PDZD4: variants seen among roughly 807,000 people sequenced by gnomAD.
PDZD4 encodes the protein PDZ domain containing 4, also known as PDZ domain-containing protein 4.
In PDZD4, 9 loss-of-function variants were observed where a neutral mutation model predicts 38.5. The observed-to-expected ratio is 0.23, with a 90% CI of 0.14 to 0.41. PDZD4 has a LOEUF of 0.41. PDZD4 is among the 10% of genes least tolerant of loss of function. PDZD4 has a pLI of 1.00. For missense variants in PDZD4, 612 were observed against 722.0 expected, an observed-to-expected ratio of 0.85 and a Z score of 1.75; for synonymous variants, 349 against 315.7, an observed-to-expected ratio of 1.11 and a Z score of -1.12.
intron 1 of PDZD4, among the ~76,000 whole-genome samples, chrX:153,817,465 G>A (rs782328600): frequency 2.7e-5 from 3 of 111,433 alleles, no homozygotes; most frequent in East Asian, 2.8e-4. Context: ...CGGCACACAC[G>A]ACTGCATGAG....
intron 2 of PDZD4, chrX:153,808,062 TGGA>T (rs1388175514): frequency 8.5e-6 from 9 of 1,056,603 alleles, no homozygotes; most frequent in Non-Finnish European, 9.8e-6. Context: ...GGAGAGAGGA[TGGA>T]GGAGGAGGAG....
intron 5 of PDZD4, 149 bp downstream of exon 5, chrX:153,805,922 A>T: frequency 1.7e-6 from 1 of 591,558 alleles, no homozygotes; most frequent in Non-Finnish European, 2.7e-6. Flanking sequence ...GAGAGAGATG[A>T]GACTCAGCCC....
chrX:153,824,264 A>G (rs782009404), intron 1 of PDZD4, among the ~76,000 whole-genome samples: 10 of 110,942 alleles, frequency 9.0e-5, no homozygotes, highest in Non-Finnish European at 1.9e-4. Flanking sequence ...TCTTGGGACA[A>G]TGACACAAAA....
At chrX:153,820,349 CAAAAAA>C (rs140401659) in intron 1 of PDZD4, among the ~76,000 whole-genome samples, 4 of 18,233 alleles carry the variant, frequency 2.2e-4, no homozygotes, top group African/African-American at 1.2e-3. Flanking sequence ...GACTCCATCT[CAAAAAA>C]AAAAAAAAAA....
At chrX:153,815,857 C>T (rs2148468595) in intron 1 of PDZD4, among the ~76,000 whole-genome samples, 1 of 100,452 alleles carries the variant, frequency 1.0e-5, no homozygotes, top group East Asian at 3.5e-4. Flanking sequence ...ATGCGCCCTC[C>T]CCACAGCGCA....
chrX:153,813,928 T>C (rs1163483771), intron 1 of PDZD4, among the ~76,000 whole-genome samples: 1 of 112,489 alleles, frequency 8.9e-6, no homozygotes, highest in African/African-American at 3.2e-5. Context: ...TTGCTGAAGA[T>C]AAAACTTTAA....
intron 2 of PDZD4, chrX:153,807,848 T>C (rs1228582978): frequency 7.2e-6 from 7 of 974,862 alleles, no homozygotes; most frequent in Non-Finnish European, 7.9e-6. Context: ...CCCTGTGGCC[T>C]ACCTCCCCGC....
chrX:153,810,910 G>C (rs2064303735), intron 1 of PDZD4, among the ~76,000 whole-genome samples: 2 of 112,605 alleles, frequency 1.8e-5, no homozygotes, highest in Non-Finnish European at 3.8e-5. Context: ...ATTCTGAAAA[G>C]AGCTTTTTGT....
intron 2 of PDZD4, chrX:153,807,840 C>A (rs1285941243): frequency 1.0e-6 from 1 of 976,350 alleles, no homozygotes; most frequent in South Asian, 2.0e-5. Flanking sequence ...GCTCATGGCC[C>A]TGTGGCCTAC....
Position 153,830,228 on chromosome X carries a change from G to C in PDZD4, c.60+11C>G. The C allele has an allele frequency of 8.4e-7, 1 of 1,191,184 alleles. No individual in the cohort carries two copies. Among genetic ancestry groups the C allele is most frequent in the Non-Finnish European group, 1.1e-6 (1 of 885,051 alleles). On this transcript the variant is annotated intron_variant, in intron 1 of 7. Transcript: ENST00000393758. ...AGGGCCGCGCCCCCGCCGCAGCGCCGGCGGCCCTACCTGCAGCATCACTTT... is the reference window on the plus strand; with the variant it reads ...AGGGCCGCGCCCCCGCCGCAGCGCCCGCGGCCCTACCTGCAGCATCACTTT...
At chrX:153,808,746 C>T in intron 1 of PDZD4, 151 bp from the exon 2 acceptor site, 1 of 662,343 alleles carries the variant, frequency 1.5e-6, no homozygotes, top group Non-Finnish European at 2.1e-6. Context: ...GCCCTGGCTA[C>T]CTTTGGTGCC....
chrX:153,811,700 T>C (rs1569543440), intron 1 of PDZD4, among the ~76,000 whole-genome samples: 1 of 112,792 alleles, frequency 8.9e-6, no homozygotes. Context: ...CTGGATCAAA[T>C]ACTATAAAGG....
chrX:153,817,642 T>C (rs1226900976), intron 1 of PDZD4, among the ~76,000 whole-genome samples: 3 of 111,904 alleles, frequency 2.7e-5, no homozygotes, highest in South Asian at 3.7e-4. Context: ...ACATTGAGAA[T>C]AGACTAAAAG....
chrX:153,814,271 C>T (rs1384709284), intron 1 of PDZD4, among the ~76,000 whole-genome samples: 2 of 111,233 alleles, frequency 1.8e-5, no homozygotes, highest in East Asian at 2.9e-4. Flanking sequence ...GTCAGGAGTT[C>T]GAGACCAGCC....
At chrX:153,826,291 C>T (rs782527642) in intron 1 of PDZD4, among the ~76,000 whole-genome samples, 2 of 109,597 alleles carry the variant, frequency 1.8e-5, no homozygotes, top group East Asian at 2.8e-4. Context: ...AGAAGAAAAA[C>T]GATTTCTATT....
intron 1 of PDZD4, among the ~76,000 whole-genome samples, chrX:153,811,478 T>C (rs1242717524): frequency 5.3e-5 from 6 of 112,150 alleles, no homozygotes; most frequent in Non-Finnish European, 1.1e-4. Flanking sequence ...ATGTGTGCCA[T>C]TTTGCAGCTG....
chrX:153,814,165 C>T (rs1200762234), intron 1 of PDZD4, among the ~76,000 whole-genome samples: 1 of 110,686 alleles, frequency 9.0e-6, no homozygotes, highest in Admixed American at 9.6e-5. Flanking sequence ...GTCTGATGTA[C>T]CCGGACTCTA....
At chrX:153,811,800 G>A (rs2064312307) in intron 1 of PDZD4, among the ~76,000 whole-genome samples, 1 of 111,878 alleles carries the variant, frequency 8.9e-6, no homozygotes, top group Non-Finnish European at 1.9e-5. Context: ...AGAGGCTACA[G>A]TTAGAAAGGC....
intron 1 of PDZD4, among the ~76,000 whole-genome samples, chrX:153,816,918 C>G (rs1557080098): frequency 9.0e-6 from 1 of 111,037 alleles, no homozygotes; most frequent in African/African-American, 3.3e-5. Flanking sequence ...TAGAGGTAGG[C>G]TGCCAGGACC....
Sources: allele counts gnomAD v4.1 joint callset (sites outside exome capture counted in the v4.1 genomes callset), GRCh38; gene constraint gnomAD v4.1.1; transcripts MANE v1.5; gene names NCBI Gene and HGNC (gene_info 2026-07-23, HGNC 2026-07-21).